GPT2: variants seen among roughly 807,000 people sequenced by gnomAD.
GPT2 encodes glutamic--pyruvic transaminase 2, also known as alanine aminotransferase 2.
Under a neutral mutation model 56.9 loss-of-function variants are expected in GPT2, and 30 were observed. That is an observed-to-expected ratio of 0.53 (90% CI 0.39 to 0.72). The LOEUF (loss-of-function observed/expected upper bound fraction) is 0.72. Among genes scored for constraint, GPT2 ranks in the 30% least tolerant of loss-of-function variants. The probability of loss-of-function intolerance (pLI) is 0.00; values close to 1 mark genes in which losing one functional copy is unlikely to be tolerated. For missense variants in GPT2, 542 were observed against 703.4 expected (o/e 0.77, Z 2.60); for synonymous variants, 271 against 283.1 (o/e 0.96, Z 0.43).
chr16:46,887,142 T>C (rs558486059), intron 2 of GPT2, among the ~76,000 whole-genome samples: 197 of 152,280 alleles, frequency 1.3e-3, no homozygotes, highest in Non-Finnish European at 4.0e-4. Context: ...CTTTGGTTTT[T>C]CTGCTTCTGT....
At position 46,884,779 on chromosome 16, in the gene GPT2, C is replaced by T. The variant is rs767485729; in HGVS notation, c.64C>T (p.Arg22Cys). The change falls in exon 2 of 12, where the codon CGC (arginine) becomes TGC (cysteine). Residue 22 changes from arginine (R) to cysteine (C), a missense_variant. Transcript: ENST00000340124. ...CGPRTPSSWG[R>C]SQSSAAAEAS... The stretch of plus-strand genomic sequence containing the variant: ...TCCCCGGACCCCCAGCTCCTGGGGC[C>T]GCAGCCAGAGCAGCGCGGCCGCCGA... The T allele has an allele frequency of 4.0e-6, 6 of 1,508,718 alleles. No individual in the cohort carries two copies. In the South Asian group the frequency reaches 5.1e-5, roughly 13 times the overall value. The allele number at this position is 1,508,718 out of a possible 1,614,324, so 93.5% of individuals were successfully genotyped here.
chr16:46,924,328 T>C, intron 9 of GPT2, 61 bp from the exon 10 acceptor site: 1 of 1,570,760 alleles, frequency 6.4e-7, no homozygotes, highest in African/African-American at 1.4e-5. Context: ...GAAAGATCAG[T>C]GGCTGGAGTG....
At chr16:46,902,209 C>G (rs1462721100) in intron 4 of GPT2, among the ~76,000 whole-genome samples, 1 of 152,150 alleles carries the variant, frequency 6.6e-6, no homozygotes, top group Non-Finnish European at 1.5e-5. Flanking sequence ...CTGTGAGTTC[C>G]CTCGTGGGGT....
chr16:46,910,679 T>G (rs1052989698), intron 6 of GPT2, among the ~76,000 whole-genome samples: 1 of 152,230 alleles, frequency 6.6e-6, no homozygotes, highest in Non-Finnish European at 1.5e-5. Context: ...CATAACTCAC[T>G]GCAGCCTTGA....
chr16:46,891,204 A>G (rs1960577710), intron 2 of GPT2, among the ~76,000 whole-genome samples: 2 of 151,790 alleles, frequency 1.3e-5, no homozygotes, highest in Non-Finnish European at 2.9e-5. Context: ...TATAGTCACC[A>G]TGCTGTACAT....
Position 46,928,962 on chromosome 16 carries a change from G to A in GPT2, c.1537G>A (p.Asp513Asn). The stretch of plus-strand genomic sequence containing the variant: ...GAAAACGGTGCTGCAGAAGGTGAAA[G>A]ACTTCCACATCAACTTCCTGGAGAA... ...KLKTVLQKVK[D>N]FHINFLEKYA The change falls in exon 12 of 12, where the codon GAC (aspartate) becomes AAC (asparagine). Residue 513 changes from aspartate (D) to asparagine (N), a missense_variant. Physicochemically the swap from Asp to Asn is conservative, Grantham distance 23 (BLOSUM62 1). Transcript: ENST00000340124. 6.2e-7 allele frequency: 1 copy of A among 1,614,174 alleles called. No homozygotes were observed. The highest frequency in any genetic ancestry group is 8.5e-7 in the Non-Finnish European group (1 of 1,180,012).
intron 2 of GPT2, among the ~76,000 whole-genome samples, chr16:46,886,934 C>T (rs1567331520): frequency 6.6e-6 from 1 of 152,170 alleles, no homozygotes; most frequent in Admixed American, 6.5e-5. Context: ...CGCATCCCTT[C>T]TCATTCTCTT....
At chr16:46,924,314 G>T in intron 9 of GPT2, 75 bp from the exon 10 acceptor site, 2 of 1,514,538 alleles carry the variant, frequency 1.3e-6, no homozygotes. Context: ...CGCAAGTGCT[G>T]CAGGAAAGAT....
At position 46,929,982 on chromosome 16, in the gene GPT2, T is replaced by C. The variant is rs764414560; in HGVS notation, c.*985T>C. ...GACCTGCCGAGCAGCCAAGGCCCTG[T>C]CCTTTCTTGAATGGTGGCGAGCTGA... is the stretch of plus-strand genomic sequence containing the variant. On this transcript the variant is annotated 3_prime_UTR_variant, in exon 12 of 12. Coordinates refer to ENST00000340124, the MANE Select transcript of GPT2 (RefSeq NM_133443.4). The C allele has an allele frequency of 2.0e-5, 3 of 152,830 alleles. No individual in the cohort carries two copies. The highest frequency in any genetic ancestry group is 4.4e-5 in the Non-Finnish European group (3 of 68,080). The allele number at this position is 152,830 out of a possible 1,614,324, so 9.5% of individuals were successfully genotyped here.
intron 5 of GPT2, among the ~76,000 whole-genome samples, chr16:46,909,441 G>A (rs1248860011): frequency 2.0e-5 from 3 of 152,084 alleles, no homozygotes; most frequent in South Asian, 2.1e-4. Context: ...GTGAGCCACC[G>A]TGCCCAGCCT....
Position 46,898,975 on chromosome 16 carries a change from C to T in GPT2, c.333+1238C>T, listed in dbSNP as rs866753800. On this transcript the variant is annotated intron_variant, in intron 3 of 11. Transcript: ENST00000340124. ...ATATGTGTATATATATACACACACA[C>T]ATATATATATATATATAACACACAT... Among the ~76,000 whole-genome samples the T allele has an allele frequency of 3.3e-4, 43 of 132,104 alleles. 2 individuals are homozygous for T. The highest frequency in any genetic ancestry group is 7.6e-4 in the African/African-American group (25 of 32,792). 86.7% of individuals were successfully genotyped at this position (132,104 alleles called of 152,430 possible).
intron 2 of GPT2, among the ~76,000 whole-genome samples, chr16:46,887,222 A>G (rs6598776): frequency 1 from 152,164 of 152,282 alleles, 76,024 homozygotes; most frequent in Middle Eastern, 1. Flanking sequence ...TAATCTCAGC[A>G]CTTTGGGAAG....
intron 2 of GPT2, among the ~76,000 whole-genome samples, chr16:46,897,324 G>T (rs2143390745): frequency 6.6e-6 from 1 of 152,292 alleles, no homozygotes; most frequent in South Asian, 2.1e-4. Context: ...AGTGAGCTGA[G>T]ATGGCACTAC....
chr16:46,898,176 G>T (rs1022669779), intron 3 of GPT2, among the ~76,000 whole-genome samples: 1 of 152,190 alleles, frequency 6.6e-6, no homozygotes, highest in Non-Finnish European at 1.5e-5. Flanking sequence ...GTGGCTTTGG[G>T]CAGGTGGAAG....
intron 5 of GPT2, 91 bp from the exon 6 acceptor site, chr16:46,909,593 G>T: frequency 1.8e-5 from 26 of 1,449,072 alleles, no homozygotes; most frequent in Non-Finnish European, 2.2e-5. Flanking sequence ...CACAGAGTTG[G>T]ACTGGAGGCA....
chr16:46,898,883 T>C (rs1424893257), intron 3 of GPT2, among the ~76,000 whole-genome samples: 2 of 145,788 alleles, frequency 1.4e-5, no homozygotes, highest in African/African-American at 2.5e-5. Flanking sequence ...TATATATATA[T>C]ATATACGTAT....
chr16:46,922,497 A>G, intron 9 of GPT2, 81 bp downstream of exon 9: 1 of 1,386,490 alleles, frequency 7.2e-7, no homozygotes. Flanking sequence ...GCCTGTCTCC[A>G]GGTGGCCAGA....
intron 6 of GPT2, among the ~76,000 whole-genome samples, chr16:46,910,374 C>G (rs567592109): frequency 2.4e-5 from 2 of 82,090 alleles, no homozygotes; most frequent in Admixed American, 2.2e-4. Flanking sequence ...GAGCGAGACT[C>G]TGTCTCAAAA....
At chr16:46,893,832 A>G (rs1960633336) in intron 2 of GPT2, among the ~76,000 whole-genome samples, 1 of 152,134 alleles carries the variant, frequency 6.6e-6, no homozygotes, top group African/African-American at 2.4e-5. Context: ...GAGAGGAATC[A>G]GGATGCTGCG....
Sources: allele counts gnomAD v4.1 joint callset (sites outside exome capture counted in the v4.1 genomes callset), GRCh38; gene constraint gnomAD v4.1.1; transcripts MANE v1.5; gene names NCBI Gene and HGNC (gene_info 2026-07-23, HGNC 2026-07-21).